PPFIA4: variants seen among roughly 807,000 people sequenced by gnomAD.
The protein encoded by PPFIA4 is PPFI scaffold protein A4.
In PPFIA4, 98 loss-of-function variants were observed where a neutral mutation model predicts 145.7. The observed-to-expected ratio is 0.67, with a 90% CI of 0.57 to 0.80. The LOEUF (loss-of-function observed/expected upper bound fraction) is 0.80, where lower values mean the gene tolerates loss of function less well. PPFIA4 is among the 30% of genes least tolerant of loss of function. The probability of loss-of-function intolerance (pLI) is 0.00; values close to 1 mark genes in which losing one functional copy is unlikely to be tolerated. For missense variants in PPFIA4, 1,457 were observed against 1,632.7 expected (o/e 0.89, Z 1.85); for synonymous variants, 628 against 649.6 (o/e 0.97, Z 0.51).
Position 203,075,869 on chromosome 1 carries a change from C to G in PPFIA4, c.3574+112C>G, listed in dbSNP as rs960931734. ...GGGCGAGGCCGAGGCTGGTGCCCCG[C>G]GCTCCTGCGCTGCAGCTGCACTAAC... On this transcript the variant is annotated intron_variant, in intron 29 of 29. Transcript: ENST00000295706. This position sits in a 1 kb window ranked among gnomAD's most constrained non-coding sequence, Gnocchi z 4.1. 12 of 1,080,906 alleles carry G rather than the reference C, an allele frequency of 1.1e-5. No homozygotes were observed. The highest frequency in any genetic ancestry group is 1.5e-5 in the Non-Finnish European group (12 of 812,856). The allele number at this position is 1,080,906 out of a possible 1,614,324, so 67.0% of individuals were successfully genotyped here.
chr1:203,029,544 T>C (rs908893206), intron 1 of PPFIA4, among the ~76,000 whole-genome samples: 3 of 152,260 alleles, frequency 2.0e-5, no homozygotes, highest in African/African-American at 7.2e-5. Flanking sequence ...CTGTCTTACA[T>C]GTCTTTTGCT....
At position 203,048,291 on chromosome 1, in the gene PPFIA4, A is replaced by G. The variant is rs569413753; in HGVS notation, c.1205A>G (p.Lys402Arg). Reference protein sequence around the residue: ...LRQLEGQLEEKNQELARVRQR... With the variant: ...LRQLEGQLEERNQELARVRQR... ...CAGCTGGAGGGACAGCTGGAGGAGA[A>G]GAACCAGGAGCTGGCACGGGTGAGG... The change falls in exon 10 of 30, where the codon AAG becomes AGG. Residue 402 changes from lysine (K) to arginine (R), a missense_variant. Physicochemically the swap from Lys to Arg is conservative, Grantham distance 26 (BLOSUM62 2). Around this residue, in one of 3 missense-constraint regions of PPFIA4, gnomAD observed 848 missense variants for 1,046.7 expected, o/e 0.81. Coordinates refer to ENST00000295706, the MANE Select transcript of PPFIA4 (RefSeq NM_001304331.2). The surrounding 1 kb of genome is among the most constrained non-coding windows in gnomAD (Gnocchi z 5.8). The G allele has an allele frequency of 4.5e-5, 73 of 1,612,766 alleles. No individual in the cohort carries two copies. The highest frequency in any genetic ancestry group is 4.1e-4 in the African/African-American group (31 of 75,048).
chr1:203,052,419 G>A (rs1660599368), intron 14 of PPFIA4, among the ~76,000 whole-genome samples: 1 of 152,098 alleles, frequency 6.6e-6, no homozygotes. Flanking sequence ...TTGGGAAAGT[G>A]CAATTATTCG....
chr1:203,067,298 A>C (rs74691025), intron 25 of PPFIA4: 2,547 of 204,020 alleles, frequency 0.012, 67 homozygotes, highest in African/African-American at 0.055. Context: ...GGAGTATCTT[A>C]TAGGCCATTG....
intron 9 of PPFIA4, chr1:203,046,584 G>GT: frequency 1.9e-6 from 1 of 515,220 alleles, no homozygotes; most frequent in Non-Finnish European, 3.3e-6. Flanking sequence ...CTGCAGGGAT[G>GT]TGACAGTCTC....
In PPFIA4 at chr1:203,068,427, G is replaced by A. The variant is rs775882454; in HGVS notation, c.3149-26G>A. On this transcript the variant is annotated intron_variant, in intron 26 of 29. Transcript: ENST00000295706. The surrounding 1 kb of genome is among the most constrained non-coding windows in gnomAD (Gnocchi z 4.7). ...TTGATGAAACGTAGTATCTCCTTCC[G>A]TCCCTTTTCTTCCCCCACACTCCAG... 3.2e-5 allele frequency: 50 copies of A among 1,564,140 alleles called. No homozygotes were observed. The highest frequency in any genetic ancestry group is 1.7e-4 in the Middle Eastern group (1 of 5,734).
chr1:203,030,445 G>T (rs1328015548), intron 1 of PPFIA4, among the ~76,000 whole-genome samples: 6 of 152,208 alleles, frequency 3.9e-5, no homozygotes, highest in Admixed American at 2.0e-4. Context: ...CATGCAGGGG[G>T]GTGACCCCAG....
chr1:203,053,172 G>A (rs758558174), intron 14 of PPFIA4, among the ~76,000 whole-genome samples: 1 of 152,194 alleles, frequency 6.6e-6, no homozygotes, highest in African/African-American at 2.4e-5. Context: ...AACCAAAGCC[G>A]TCTCTCTCTG....
intron 25 of PPFIA4, among the ~76,000 whole-genome samples, chr1:203,064,204 G>T (rs1380270807): frequency 6.6e-6 from 1 of 152,212 alleles, no homozygotes; most frequent in Non-Finnish European, 1.5e-5. Flanking sequence ...AGATTGACCA[G>T]GTTTCTGTCC....
At chr1:203,058,433 C>T (rs1231869349) in intron 19 of PPFIA4, among the ~76,000 whole-genome samples, 1 of 152,140 alleles carries the variant, frequency 6.6e-6, no homozygotes, top group African/African-American at 2.4e-5. Flanking sequence ...GAGCTGGCCA[C>T]AGACAGGGGA....
Position 203,044,091 on chromosome 1 carries a change from A to G in PPFIA4, c.497A>G (p.Glu166Gly), listed in dbSNP as rs768782172. ...TTTGAGCACCACAAGGCCCTGGATGAGAAGGTGCCCACCTGCCCGCCAGCC... is the reference window on the plus strand; with the variant it reads ...TTTGAGCACCACAAGGCCCTGGATGGGAAGGTGCCCACCTGCCCGCCAGCC... ...SLFEHHKALD[E>G]KVRERLRAAL... is the part of the protein sequence containing the mutation. Residue 166 changes from glutamate (E) to glycine (G), a missense_variant, in exon 4 of 30, where the codon GAG (glutamate) becomes GGG (glycine). By Grantham distance (98) the Glu-to-Gly change is moderately conservative. This residue lies in a region of PPFIA4 where 463 missense variants were observed against 459.8 expected (regional missense o/e 1.01). Coordinates refer to ENST00000295706, the MANE Select transcript of PPFIA4 (RefSeq NM_001304331.2). 1.6e-5 allele frequency: 26 copies of G among 1,586,290 alleles called. No individual in the cohort carries two copies. Among genetic ancestry groups the G allele is most frequent in the Non-Finnish European group, 2.1e-5 (25 of 1,165,484 alleles).
chr1:203,071,789 T>C (rs773938802), intron 28 of PPFIA4, 29 bp downstream of exon 28: 6 of 1,571,302 alleles, frequency 3.8e-6, no homozygotes, highest in Middle Eastern at 1.7e-4. Context: ...ATTAGGAGCC[T>C]TGGGGATTTG....
intron 28 of PPFIA4, among the ~76,000 whole-genome samples, chr1:203,072,488 C>T (rs1237877815): frequency 6.6e-6 from 1 of 152,206 alleles, no homozygotes; most frequent in Non-Finnish European, 1.5e-5. Flanking sequence ...ACCTAAGCAT[C>T]CTACTGTTTT....
intron 5 of PPFIA4, 104 bp downstream of exon 5, chr1:203,044,557 G>A (rs1659928994): frequency 7.0e-6 from 10 of 1,425,738 alleles, no homozygotes; most frequent in Non-Finnish European, 8.6e-6. Flanking sequence ...GCCATGGCTG[G>A]AAGCTGCTAG....
chr1:203,038,113 T>C (rs1659432992), intron 1 of PPFIA4, among the ~76,000 whole-genome samples: 1 of 152,174 alleles, frequency 6.6e-6, no homozygotes, highest in East Asian at 1.9e-4. Flanking sequence ...CCCTGTTTCC[T>C]AGGACCCCAA....
intron 4 of PPFIA4, 40 bp from the exon 5 acceptor site, chr1:203,044,339 G>T (rs1323290496): frequency 3.3e-6 from 5 of 1,536,348 alleles, no homozygotes; most frequent in African/African-American, 1.4e-5. Context: ...ACTCAAGTGG[G>T]GTCCCCCTTT....
rs751892900 is a variant in PPFIA4 at position 203,060,237 on chromosome 1, C to T, written c.2604C>T (p.Ala868=). 7.2e-5 allele frequency: 116 copies of T among 1,613,980 alleles called. No individual in the cohort carries two copies. The highest frequency in any genetic ancestry group is 9.7e-5 in the Non-Finnish European group (114 of 1,179,992). Reference sequence around the variant, plus strand: ...TGCAGCTCTGGGTGGGGATGCCTGCCTGGTATGTGGCAGCCTGCCGGGCCA... The same window carrying T: ...TGCAGCTCTGGGTGGGGATGCCTGCTTGGTATGTGGCAGCCTGCCGGGCCA... The part of the protein sequence containing the change: ...SWLELWVGMP[A]WYVAACRANV... Residue 868 remains alanine, a synonymous_variant, in exon 22 of 30, where the codon GCC becomes GCT. Coordinates refer to ENST00000295706, the MANE Select transcript of PPFIA4 (RefSeq NM_001304331.2). The surrounding 1 kb of genome is among the most constrained non-coding windows in gnomAD (Gnocchi z 4.8).
chr1:203,051,414 T>C, intron 13 of PPFIA4: 1 of 801,992 alleles, frequency 1.2e-6, no homozygotes, highest in South Asian at 4.7e-5. Context: ...GCCACGTGTG[T>C]CAGATGGCCG....
chr1:203,037,370 A>G (rs530301169), intron 1 of PPFIA4, among the ~76,000 whole-genome samples: 1 of 152,194 alleles, frequency 6.6e-6, no homozygotes, highest in African/African-American at 2.4e-5. Context: ...GAAGGCTTTC[A>G]TTGTGTCTCC....
Sources: allele counts gnomAD v4.1 joint callset (sites outside exome capture counted in the v4.1 genomes callset), GRCh38; gene constraint gnomAD v4.1.1; regional missense constraint gnomAD v4.1.1; non-coding constraint Gnocchi (gnomAD v3.1); transcripts MANE v1.5; gene names NCBI Gene and HGNC (gene_info 2026-07-23, HGNC 2026-07-21).